The following GABRB1 variants were observed in gnomAD, a reference collection of about 807,000 sequenced individuals.
GABRB1 encodes gamma-aminobutyric acid receptor subunit beta-1.
Under a neutral mutation model 51.6 loss-of-function variants are expected in GABRB1, and 17 were observed. The observed-to-expected ratio is 0.33, with a 90% CI of 0.23 to 0.49. The LOEUF is 0.49. GABRB1 is among the 20% of genes least tolerant of loss of function. The pLI, the probability that GABRB1 is intolerant of heterozygous loss-of-function variation, is 0.99. For missense variants in GABRB1, 410 were observed against 600.6 expected (o/e 0.68, Z 3.32); for synonymous variants, 247 against 218.9 (o/e 1.13, Z -1.14).
intron 5 of GABRB1, among the ~76,000 whole-genome samples, chr4:47,386,310 A>G (rs1295403829): frequency 1.3e-5 from 2 of 152,180 alleles, no homozygotes; most frequent in South Asian, 2.1e-4. Context: ...ACAAAATCAC[A>G]TATATATTTA....
intron 3 of GABRB1, among the ~76,000 whole-genome samples, chr4:47,053,296 A>C (rs1258320864): frequency 1.3e-5 from 2 of 152,104 alleles, no homozygotes; most frequent in African/African-American, 4.8e-5. Context: ...TTTTTTTCAC[A>C]ATTCTGGAAA....
At chr4:47,037,527 C>CG (rs1335292760) in intron 3 of GABRB1, among the ~76,000 whole-genome samples, 16 of 140,882 alleles carry the variant, frequency 1.1e-4, no homozygotes, top group South Asian at 2.4e-4. Flanking sequence ...TATATATATT[C>CG]GTTTTTTTTT....
intron 3 of GABRB1, among the ~76,000 whole-genome samples, chr4:47,071,736 CCA>C (rs1355785769): frequency 1.3e-5 from 2 of 150,940 alleles, no homozygotes; most frequent in Non-Finnish European, 2.9e-5. Context: ...TAATTTATTC[CCA>C]GTGTCTAGAA....
chr4:47,078,273 T>A (rs2109560687), intron 3 of GABRB1, among the ~76,000 whole-genome samples: 1 of 151,898 alleles, frequency 6.6e-6, no homozygotes, highest in East Asian at 1.9e-4. Context: ...GCATGAGCCA[T>A]CGCGCCCGGC....
chr4:47,423,112 G>A (rs1346105325), intron 8 of GABRB1, among the ~76,000 whole-genome samples: 5 of 150,320 alleles, frequency 3.3e-5, no homozygotes, highest in African/African-American at 1.2e-4. Flanking sequence ...TATGCTAAAG[G>A]ATATGTGAAT....
In GABRB1 at chr4:47,171,270, C is replaced by CA. The variant is rs571595297; in HGVS notation, c.461+9811dup. ...TGGAAGAATATCAAATGTCAGTTCT[C>CA]AAAAAAAAAAGAAAAGACTTAGATA... On this transcript the variant is annotated intron_variant, in intron 4 of 8. Coordinates refer to ENST00000295454, the MANE Select transcript of GABRB1 (RefSeq NM_000812.4). Among the ~76,000 whole-genome samples the CA allele has an allele frequency of 7.7e-3, 836 of 107,938 alleles. 3 individuals carry two copies. Among genetic ancestry groups the CA allele is most frequent in the African/African-American group, 0.014 (411 of 28,774 alleles). The allele number at this position is 107,938 out of a possible 152,430, so 70.8% of individuals were successfully genotyped here.
intron 8 of GABRB1, among the ~76,000 whole-genome samples, chr4:47,421,983 A>G (rs2110067798): frequency 6.6e-6 from 1 of 152,180 alleles, no homozygotes; most frequent in South Asian, 2.1e-4. Flanking sequence ...TTTGGTCCTC[A>G]TCACTTCAAC....
chr4:47,208,507 T>C (rs1358021689), intron 4 of GABRB1, among the ~76,000 whole-genome samples: 2 of 152,130 alleles, frequency 1.3e-5, no homozygotes, highest in Non-Finnish European at 2.9e-5. Flanking sequence ...TACACATATT[T>C]AACCACAATT....
intron 4 of GABRB1, among the ~76,000 whole-genome samples, chr4:47,240,314 C>A (rs562009900): frequency 6.6e-6 from 1 of 152,048 alleles, no homozygotes; most frequent in African/African-American, 2.4e-5. Context: ...CACAAAATGC[C>A]GATCAAAGTC....
chr4:46,999,294 A>T (rs576285685), intron 1 of GABRB1, among the ~76,000 whole-genome samples: 19 of 152,196 alleles, frequency 1.2e-4, no homozygotes, highest in Non-Finnish European at 2.8e-4. Flanking sequence ...TTCAAGACTG[A>T]TAAGGGACTA....
Position 47,161,276 on chromosome 4 carries a change from C to A in GABRB1, c.268C>A (p.Gln90Lys). The change falls in exon 4 of 9, where the codon CAG becomes AAG. Residue 90 changes from glutamine to lysine, a missense_variant. Physicochemically the swap from Gln to Lys is moderately conservative, Grantham distance 53 (BLOSUM62 1). This residue lies in a region of GABRB1 where 100 missense variants were observed against 184.3 expected (regional missense o/e 0.54). Coordinates refer to ENST00000295454, the MANE Select transcript of GABRB1 (RefSeq NM_000812.4). ...MDYTLTMYFQQSWKDKRLSYS... is the reference protein window; with the variant it reads ...MDYTLTMYFQKSWKDKRLSYS... ...TTATACACTCACCATGTATTTCCAGCAGTCTTGGAAAGACAAAAGGCTTTC... is the reference window on the plus strand; with the variant it reads ...TTATACACTCACCATGTATTTCCAGAAGTCTTGGAAAGACAAAAGGCTTTC... The A allele has an allele frequency of 1.2e-6, 2 of 1,609,422 alleles. No homozygotes were observed. The highest frequency in any genetic ancestry group is 1.1e-5 in the South Asian group (1 of 90,968).
chr4:47,385,669 T>C (rs1282812632), intron 5 of GABRB1, among the ~76,000 whole-genome samples: 2 of 152,132 alleles, frequency 1.3e-5, no homozygotes, highest in Non-Finnish European at 2.9e-5. Context: ...ATTCTAACAC[T>C]CAAGAGTTAG....
intron 3 of GABRB1, among the ~76,000 whole-genome samples, chr4:47,065,436 A>ATC (rs1284505145): frequency 2.0e-5 from 3 of 152,372 alleles, no homozygotes; most frequent in African/African-American, 4.8e-5. Flanking sequence ...TAGGCAGCTC[A>ATC]TCACTCACAA....
At chr4:47,089,099 A>T (rs1016559391) in intron 3 of GABRB1, among the ~76,000 whole-genome samples, 1 of 152,164 alleles carries the variant, frequency 6.6e-6, no homozygotes, top group Admixed American at 6.5e-5. Flanking sequence ...ATAAATTTTT[A>T]TGTGTTTGCT....
intron 4 of GABRB1, among the ~76,000 whole-genome samples, chr4:47,252,507 CTTT>C (rs34442754): frequency 8.6e-6 from 1 of 116,358 alleles, no homozygotes. Flanking sequence ...TAGCAATTGC[CTTT>C]TTTTTTTTTT....
At chr4:47,265,820 T>A (rs1252194503) in intron 4 of GABRB1, among the ~76,000 whole-genome samples, 3 of 152,144 alleles carry the variant, frequency 2.0e-5, no homozygotes, top group Non-Finnish European at 4.4e-5. Flanking sequence ...TTGACTTGTT[T>A]GAATTTCTTC....
chr4:47,078,013 G>A (rs1341198240), intron 3 of GABRB1, among the ~76,000 whole-genome samples: 1 of 136,820 alleles, frequency 7.3e-6, no homozygotes, highest in Admixed American at 7.9e-5. Flanking sequence ...TATTGGGAAG[G>A]AGTTTTGCTC....
chr4:47,226,399 G>A lies in GABRB1; in HGVS notation c.461+64930G>A, dbSNP rs544714162. ...CGAAAGAATATTACAGGTAAAGGAG[G>A]AGCAAATGCAAAGTTCTGGGGTGGG... On this transcript the variant is annotated intron_variant, in intron 4 of 8. Coordinates refer to ENST00000295454, the MANE Select transcript of GABRB1 (RefSeq NM_000812.4). Among the ~76,000 whole-genome samples the A allele has an allele frequency of 1.7e-3, 258 of 152,126 alleles. 1 individual carries two copies. Among genetic ancestry groups the A allele is most frequent in the Non-Finnish European group, 3.0e-3 (207 of 67,966 alleles).
intron 3 of GABRB1, among the ~76,000 whole-genome samples, chr4:47,128,080 T>C (rs1191279044): frequency 6.6e-6 from 1 of 151,744 alleles, no homozygotes; most frequent in Admixed American, 6.6e-5. Context: ...GGTGTCTGAA[T>C]AATGCCCATA....
Sources: allele counts gnomAD v4.1 joint callset (sites outside exome capture counted in the v4.1 genomes callset), GRCh38; gene constraint gnomAD v4.1.1; regional missense constraint gnomAD v4.1.1; transcripts MANE v1.5; gene names NCBI Gene and HGNC (gene_info 2026-07-23, HGNC 2026-07-21).